The following ASAP2 variants were observed in gnomAD, a reference collection of about 807,000 sequenced individuals.
ASAP2 encodes the protein ArfGAP with SH3 domain, ankyrin repeat and PH domain 2.
A neutral mutation model predicts 131.4 loss-of-function variants in ASAP2; 45 were observed. The ratio of observed to expected loss-of-function variants is 0.34; its 90% CI spans 0.27 to 0.44. The LOEUF (loss-of-function observed/expected upper bound fraction) is 0.44. ASAP2 is among the 20% of genes least tolerant of loss of function. ASAP2 has a pLI of 1.00. For synonymous variants in ASAP2, 510 were observed against 503.0 expected, an observed-to-expected ratio of 1.01 and a Z score of -0.19; for missense variants, 1,011 against 1,297.0, an observed-to-expected ratio of 0.78 and a Z score of 3.39.
intron 1 of ASAP2, among the ~76,000 whole-genome samples, chr2:9,252,637 C>T (rs935389118): frequency 3.3e-5 from 5 of 149,270 alleles, no homozygotes; most frequent in Admixed American, 6.7e-5. Context: ...GGAACACGGC[C>T]GGGTGCAGTG....
chr2:9,294,185 G>A (rs2148379734), intron 2 of ASAP2, among the ~76,000 whole-genome samples: 2 of 152,034 alleles, frequency 1.3e-5, no homozygotes, highest in South Asian at 4.2e-4. Context: ...TTTTAGTAGA[G>A]ACAGCGTTTC....
At chr2:9,315,539 C>A (rs55737406) in intron 3 of ASAP2, among the ~76,000 whole-genome samples, 30,897 of 151,916 alleles carry the variant, frequency 0.2, 3,456 homozygotes, top group Non-Finnish European at 0.27. Flanking sequence ...GAAGGAAGAG[C>A]ATTGGAGGAA....
intron 2 of ASAP2, among the ~76,000 whole-genome samples, chr2:9,293,747 A>G (rs1352509667): frequency 6.6e-6 from 1 of 152,114 alleles, no homozygotes; most frequent in Non-Finnish European, 1.5e-5. Context: ...CTTCAGCAGG[A>G]AGCTTCAAGT....
At chr2:9,304,040 C>T (rs780096978) in intron 3 of ASAP2, among the ~76,000 whole-genome samples, 5 of 152,132 alleles carry the variant, frequency 3.3e-5, no homozygotes, top group Admixed American at 2.6e-4. Context: ...AGACATGTGC[C>T]GGGACAGCCA....
At chr2:9,402,678 C>T (rs575063326) in intron 27 of ASAP2, among the ~76,000 whole-genome samples, 1 of 152,196 alleles carries the variant, frequency 6.6e-6, no homozygotes, top group Non-Finnish European at 1.5e-5. Flanking sequence ...GCACCCCCCA[C>T]CCACTCCACA....
chr2:9,353,400 A>T (rs950344911), intron 12 of ASAP2, among the ~76,000 whole-genome samples: 2 of 152,150 alleles, frequency 1.3e-5, no homozygotes, highest in African/African-American at 4.8e-5. Flanking sequence ...CCTACAAAAA[A>T]TTTAAAAATA....
At chr2:9,211,766 A>C (rs1290799538) in intron 1 of ASAP2, among the ~76,000 whole-genome samples, 1 of 152,114 alleles carries the variant, frequency 6.6e-6, no homozygotes, top group Non-Finnish European at 1.5e-5. Context: ...AACAGTGGGA[A>C]CCAGGGCTAC....
At chr2:9,263,100 G>T (rs1386230986) in intron 1 of ASAP2, among the ~76,000 whole-genome samples, 1 of 151,846 alleles carries the variant, frequency 6.6e-6, no homozygotes, top group Non-Finnish European at 1.5e-5. Context: ...CGGCTGGAGG[G>T]CCTGGCCCAG....
intron 1 of ASAP2, among the ~76,000 whole-genome samples, chr2:9,243,607 T>C (rs2148091780): frequency 6.6e-6 from 1 of 152,324 alleles, no homozygotes; most frequent in South Asian, 2.1e-4. Flanking sequence ...ACCAAAGATA[T>C]AACTGTATTT....
At chr2:9,400,972 G>A in intron 26 of ASAP2, 142 bp downstream of exon 26, 3 of 893,914 alleles carry the variant, frequency 3.4e-6, no homozygotes, top group Non-Finnish European at 5.1e-6. Context: ...TGACTGCTTG[G>A]ATCTGGGCAG....
intron 1 of ASAP2, among the ~76,000 whole-genome samples, chr2:9,224,348 A>G (rs1662621777): frequency 6.6e-6 from 1 of 152,154 alleles, no homozygotes. Flanking sequence ...GAGTGTGCCT[A>G]GGGTTGGGAC....
At chr2:9,370,345 T>C (rs1321540446) in intron 16 of ASAP2, among the ~76,000 whole-genome samples, 1 of 152,178 alleles carries the variant, frequency 6.6e-6, no homozygotes, top group African/African-American at 2.4e-5. Context: ...TTAAAGTCAG[T>C]TTATGTTTGA....
At chr2:9,317,022 A>G (rs190501840) in intron 3 of ASAP2, among the ~76,000 whole-genome samples, 39 of 132,008 alleles carry the variant, frequency 3.0e-4, no homozygotes, top group Admixed American at 2.7e-3. Flanking sequence ...CACTCACACA[A>G]CATGCAATCA....
In ASAP2 at chr2:9,318,617, G is replaced by A; in HGVS notation, c.420+19G>A. The stretch of plus-strand genomic sequence containing the variant: ...GAAAGGGGTATGACATTGACACTGT[G>A]ACACCAGGGGCAGCTTTTACACCAT... On this transcript the variant is annotated intron_variant, in intron 4 of 27. Coordinates refer to ENST00000281419, the MANE Select transcript of ASAP2 (RefSeq NM_003887.3). 3 of 1,581,840 alleles carry A rather than the reference G, an allele frequency of 1.9e-6. No individual in the cohort carries two copies. Among genetic ancestry groups the A allele is most frequent in the Non-Finnish European group, 2.6e-6 (3 of 1,157,370 alleles).
At chr2:9,222,047 CAA>C in intron 1 of ASAP2, among the ~76,000 whole-genome samples, 1 of 152,260 alleles carries the variant, frequency 6.6e-6, no homozygotes, top group East Asian at 1.9e-4. Flanking sequence ...CTCGGCCTCC[CAA>C]AGTGCTGGGA....
chr2:9,218,711 A>G (rs1301201661), intron 1 of ASAP2, among the ~76,000 whole-genome samples: 1 of 152,176 alleles, frequency 6.6e-6, no homozygotes, highest in Non-Finnish European at 1.5e-5. Flanking sequence ...GTTGGATGCG[A>G]TGAGTCCAGT....
chr2:9,262,242 A>G (rs902674114), intron 1 of ASAP2, among the ~76,000 whole-genome samples: 1 of 152,184 alleles, frequency 6.6e-6, no homozygotes, highest in African/African-American at 2.4e-5. Context: ...TTGTTCTTAG[A>G]GATTTTTTTC....
chr2:9,212,717 G>C (rs984746817), intron 1 of ASAP2, among the ~76,000 whole-genome samples: 1 of 152,062 alleles, frequency 6.6e-6, no homozygotes, highest in African/African-American at 2.4e-5. Context: ...GCTCTCAGCC[G>C]CCACATTGCA....
At chr2:9,400,266 T>TGCC (rs1676536984) in intron 25 of ASAP2, among the ~76,000 whole-genome samples, 194 bp downstream of exon 25, 3 of 80,396 alleles carry the variant, frequency 3.7e-5, no homozygotes, top group African/African-American at 1.2e-4. Flanking sequence ...CCTGCCCTCT[T>TGCC]CCTCTCCTTC....
Sources: gnomAD v4.1 joint callset for allele counts (sites outside exome capture counted in the v4.1 genomes callset) on GRCh38, gnomAD v4.1.1 for gene constraint, MANE v1.5 for transcripts, NCBI Gene and HGNC (gene_info 2026-07-23, HGNC 2026-07-21) for gene names.